MECOM: variants seen among roughly 807,000 people sequenced by gnomAD.
MECOM encodes histone-lysine N-methyltransferase MECOM.
In MECOM, 13 loss-of-function variants were observed where a neutral mutation model predicts 116.3. The ratio of observed to expected loss-of-function variants is 0.11; its 90% CI spans 0.07 to 0.18. The LOEUF is 0.18. MECOM is among the 10% of genes least tolerant of loss of function. The pLI is 1.00. For missense variants in MECOM, 1,299 were observed against 1,509.0 expected (o/e 0.86, Z 2.31); for synonymous variants, 528 against 535.2 (o/e 0.99, Z 0.19).
chr3:169,621,399 T>C (rs769661226), intron 1 of MECOM, among the ~76,000 whole-genome samples: 4 of 152,198 alleles, frequency 2.6e-5, no homozygotes, highest in Admixed American at 6.5e-5. Flanking sequence ...CTAGTAGTCA[T>C]AATAGTAGTA....
At chr3:169,332,818 A>G (rs1414941796) in intron 2 of MECOM, among the ~76,000 whole-genome samples, 1 of 152,162 alleles carries the variant, frequency 6.6e-6, no homozygotes, top group Admixed American at 6.6e-5. Context: ...ATTTTGTCTT[A>G]AATAATTCAG....
chr3:169,470,469 G>A (rs1404855782), intron 1 of MECOM, among the ~76,000 whole-genome samples: 1 of 152,162 alleles, frequency 6.6e-6, no homozygotes, highest in Admixed American at 6.5e-5. Context: ...TATTCCTTTA[G>A]GAGCCCTGTC....
At chr3:169,264,089 T>C (rs13071420) in intron 2 of MECOM, among the ~76,000 whole-genome samples, 12,726 of 152,258 alleles carry the variant, frequency 0.084, 1,185 homozygotes, top group African/African-American at 0.23. Context: ...ATGTATGTCC[T>C]TAGAATCAAA....
intron 1 of MECOM, among the ~76,000 whole-genome samples, chr3:169,496,952 CT>C (rs1384606942): frequency 6.6e-6 from 1 of 152,198 alleles, no homozygotes; most frequent in Admixed American, 6.5e-5. Flanking sequence ...CATGCATAAA[CT>C]TTAAGAAAGA....
At chr3:169,120,805 T>C (rs1730772151) in intron 7 of MECOM, 1 of 311,574 alleles carries the variant, frequency 3.2e-6, no homozygotes, top group Admixed American at 5.0e-5. Flanking sequence ...CCTTTGATTA[T>C]CTAATGAATT....
chr3:169,239,610 A>G (rs1754530420), intron 2 of MECOM, among the ~76,000 whole-genome samples: 1 of 152,052 alleles, frequency 6.6e-6, no homozygotes, highest in Non-Finnish European at 1.5e-5. Flanking sequence ...ACTTAAAAAG[A>G]TATTTATTTT....
chr3:169,645,810 C>T (rs1774105101), intron 1 of MECOM, among the ~76,000 whole-genome samples: 1 of 152,178 alleles, frequency 6.6e-6, no homozygotes, highest in African/African-American at 2.4e-5. Context: ...TGCTATCTCC[C>T]TATTGTTTAA....
chr3:169,088,292 T>G (rs1409819937), intron 16 of MECOM, among the ~76,000 whole-genome samples: 1 of 152,202 alleles, frequency 6.6e-6, no homozygotes, highest in Non-Finnish European at 1.5e-5. Context: ...CCGACTTCCT[T>G]TATTTTGTAA....
intron 9 of MECOM, among the ~76,000 whole-genome samples, chr3:169,108,994 T>C (rs970670428): frequency 5.9e-5 from 9 of 152,128 alleles, no homozygotes; most frequent in Non-Finnish European, 1.3e-4. Flanking sequence ...ATTAAAAGTA[T>C]AGTAAAATCA....
chr3:169,124,093 A>G (rs1166455137), intron 5 of MECOM, among the ~76,000 whole-genome samples: 1 of 152,134 alleles, frequency 6.6e-6, no homozygotes, highest in Non-Finnish European at 1.5e-5. Context: ...ATTCGTTTTG[A>G]AGCTCCTAAA....
Position 169,121,168 on chromosome 3 carries a change from A to G in MECOM, c.1020T>C (p.Ser340=). 1 of 1,613,022 alleles carries G rather than the reference A, an allele frequency of 6.2e-7. No homozygotes were observed. Among genetic ancestry groups the G allele is most frequent in the Non-Finnish European group, 8.5e-7 (1 of 1,179,572 alleles). The change falls in exon 7 of 17, where the codon TCT becomes TCC. Residue 340 remains serine, a synonymous_variant. Transcript: ENST00000651503. The stretch of plus-strand genomic sequence containing the variant: ...CATGGGCCCGGGCACCGACATGCTG[A>G]GAGCGAATGTGCCGCTGAAGGTTGC... The part of the protein sequence containing the change: ...DPSNLQRHIR[S]QHVGARAHAC...
chr3:169,362,204 T>G (rs1270643057), intron 2 of MECOM, among the ~76,000 whole-genome samples: 1 of 151,956 alleles, frequency 6.6e-6, no homozygotes, highest in African/African-American at 2.4e-5. Context: ...TTTTGTTTAT[T>G]GTTGTTGGTG....
chr3:169,488,602 G>A (rs1389181310), intron 1 of MECOM, among the ~76,000 whole-genome samples: 2 of 151,800 alleles, frequency 1.3e-5, no homozygotes, highest in Non-Finnish European at 2.9e-5. Flanking sequence ...TTTATGTGAA[G>A]CATTTATAAA....
chr3:169,324,572 C>T (rs1224375810), intron 2 of MECOM, among the ~76,000 whole-genome samples: 2 of 152,216 alleles, frequency 1.3e-5, no homozygotes, highest in African/African-American at 4.8e-5. Context: ...AACAAACTGA[C>T]CTTCTGAGAA....
At chr3:169,155,848 C>G (rs1165329505) in intron 2 of MECOM, among the ~76,000 whole-genome samples, 1 of 152,144 alleles carries the variant, frequency 6.6e-6, no homozygotes, top group Non-Finnish European at 1.5e-5. Context: ...CTGACACTGA[C>G]AGCGTTCAGG....
chr3:169,250,733 C>T (rs531135433), intron 2 of MECOM, among the ~76,000 whole-genome samples: 5 of 152,020 alleles, frequency 3.3e-5, no homozygotes, highest in African/African-American at 1.2e-4. Context: ...CTATGGCCAA[C>T]TAACTGAAAT....
intron 2 of MECOM, among the ~76,000 whole-genome samples, chr3:169,221,776 G>GTGGA (rs1560011343): frequency 6.6e-6 from 1 of 151,730 alleles, no homozygotes; most frequent in East Asian, 1.9e-4. Flanking sequence ...CATTATCTAC[G>GTGGA]TATCCACTTC....
intron 2 of MECOM, among the ~76,000 whole-genome samples, chr3:169,190,992 G>C (rs1036784672): frequency 3.9e-5 from 6 of 151,902 alleles, no homozygotes; most frequent in Non-Finnish European, 7.4e-5. Context: ...CCATAGAAAG[G>C]CTGGCATTTG....
chr3:169,322,156 T>C (rs1720971825), intron 2 of MECOM, among the ~76,000 whole-genome samples: 4 of 152,254 alleles, frequency 2.6e-5, no homozygotes, highest in African/African-American at 2.4e-5. Flanking sequence ...GGATTTAGCA[T>C]GAAAATTAAC....
Sources: gnomAD v4.1 joint callset for allele counts (sites outside exome capture counted in the v4.1 genomes callset) on GRCh38, gnomAD v4.1.1 for gene constraint, MANE v1.5 for transcripts, NCBI Gene and HGNC (gene_info 2026-07-23, HGNC 2026-07-21) for gene names.